HCN1: variants seen among roughly 807,000 people sequenced by gnomAD.
HCN1 encodes potassium/sodium hyperpolarization-activated cyclic nucleotide-gated channel 1.
In HCN1, 13 loss-of-function variants were observed where a neutral mutation model predicts 78.9. The ratio of observed to expected loss-of-function variants is 0.16; its 90% CI spans 0.11 to 0.26. The LOEUF (loss-of-function observed/expected upper bound fraction) is 0.26. Ranked by LOEUF, HCN1 falls within the 10% of genes least tolerant of loss-of-function variation. The pLI, the probability that HCN1 is intolerant of heterozygous loss-of-function variation, is 1.00. For missense variants in HCN1, 810 were observed against 1,154.3 expected, an observed-to-expected ratio of 0.70 and a Z score of 4.32; for synonymous variants, 552 against 455.5, an observed-to-expected ratio of 1.21 and a Z score of -2.70.
intron 1 of HCN1, among the ~76,000 whole-genome samples, chr5:45,651,780 C>G (rs1448244058): frequency 1.3e-5 from 2 of 151,862 alleles, no homozygotes; most frequent in African/African-American, 2.4e-5. Flanking sequence ...AGGTTTGCTA[C>G]TTGGTCTAAT....
Position 45,654,490 on chromosome 5 carries a change from T to C in HCN1, c.426-8882A>G, listed in dbSNP as rs145884175. Among the ~76,000 whole-genome samples, 551 of 152,296 alleles carry C rather than the reference T, an allele frequency of 3.6e-3. 8 individuals carry two copies. The highest frequency in any genetic ancestry group is 0.013 in the African/African-American group (521 of 41,570). ...CCTGCTTCTAACTCTTGACAATTTA[T>C]TCCTTTAAGGAAAGCAAAAATACTG... On this transcript the variant is annotated intron_variant, in intron 1 of 7. Coordinates refer to ENST00000303230, the MANE Select transcript of HCN1 (RefSeq NM_021072.4).
At position 45,689,732 on chromosome 5, in the gene HCN1, T is replaced by C. The variant is rs75356289; in HGVS notation, c.425+5937A>G. ...AAATTATGCAGGGTCTTGAAGCTCA[T>C]AGAAAGTTTGTCCAATGTAGTCTAA... On this transcript the variant is annotated intron_variant, in intron 1 of 7. Coordinates refer to ENST00000303230, the MANE Select transcript of HCN1 (RefSeq NM_021072.4). Among the ~76,000 whole-genome samples, 273 of 152,194 alleles carry C rather than the reference T, an allele frequency of 1.8e-3. 1 individual carries two copies. The highest frequency in any genetic ancestry group is 0.012 in the East Asian group (60 of 5,184).
intron 4 of HCN1, among the ~76,000 whole-genome samples, chr5:45,387,577 A>T (rs1480744441): frequency 6.6e-6 from 1 of 152,128 alleles, no homozygotes; most frequent in Non-Finnish European, 1.5e-5. Flanking sequence ...TATAAGATGC[A>T]TTCTAGATAA....
At position 45,483,266 on chromosome 5, in the gene HCN1, C is replaced by T. The variant is rs542449258; in HGVS notation, c.850-21259G>A. On this transcript the variant is annotated intron_variant, in intron 2 of 7. Transcript: ENST00000303230. ...TACCCTTTTTCCATAGCTTTGCCAG[C>T]ATCTTTTGTTTTCTGACTTTCTAAT... Among the ~76,000 whole-genome samples the T allele has an allele frequency of 2.0e-5, 3 of 152,206 alleles. No individual in the cohort carries two copies. The South Asian group carries it at 6.2e-4, about 32-fold the overall frequency.
intron 2 of HCN1, among the ~76,000 whole-genome samples, chr5:45,555,585 C>A (rs1231051609): frequency 6.6e-6 from 1 of 151,710 alleles, no homozygotes; most frequent in Non-Finnish European, 1.5e-5. Flanking sequence ...GAGACACTAG[C>A]CAAAACTATC....
chr5:45,395,711 GC>G (rs756823896), intron 4 of HCN1, among the ~76,000 whole-genome samples: 87 of 152,178 alleles, frequency 5.7e-4, no homozygotes, highest in Non-Finnish European at 9.7e-4. Flanking sequence ...GATCAACAAA[GC>G]CCCTACATTA....
intron 2 of HCN1, among the ~76,000 whole-genome samples, chr5:45,601,979 C>A (rs1281047164): frequency 2.6e-5 from 4 of 152,002 alleles, no homozygotes; most frequent in South Asian, 2.1e-4. Context: ...TTCCCCCAAG[C>A]CTGTTCTTGT....
intron 5 of HCN1, among the ~76,000 whole-genome samples, chr5:45,343,995 A>T (rs968063256): frequency 3.9e-5 from 6 of 152,190 alleles, no homozygotes; most frequent in African/African-American, 1.2e-4. Context: ...GTTAATAAAG[A>T]CATAACTGAG....
chr5:45,302,282 TC>T (rs891834566), intron 6 of HCN1, among the ~76,000 whole-genome samples: 4 of 127,684 alleles, frequency 3.1e-5, no homozygotes, highest in Non-Finnish European at 6.4e-5. Context: ...GGTTTAAGTT[TC>T]CCCTGTGCTT....
chr5:45,461,822 T>G (rs1205121328), intron 3 of HCN1, 24 bp downstream of exon 3: 1 of 1,602,574 alleles, frequency 6.2e-7, no homozygotes, highest in African/African-American at 1.3e-5. Flanking sequence ...AAAGTCAGAG[T>G]GTAAAATAAC....
At chr5:45,641,977 T>C (rs1745462793) in intron 2 of HCN1, 2 of 152,178 alleles carry the variant, frequency 1.3e-5, no homozygotes, top group African/African-American at 4.8e-5. Flanking sequence ...GAAATAGCAG[T>C]CTGGCTTGGA....
At chr5:45,426,413 A>G (rs2112072449) in intron 3 of HCN1, among the ~76,000 whole-genome samples, 1 of 152,264 alleles carries the variant, frequency 6.6e-6, no homozygotes, top group African/African-American at 2.4e-5. Context: ...AATAGTCCCC[A>G]CATGTCATGG....
rs114332007 is a variant in HCN1, at chr5:45,687,478, T to A, written c.425+8191A>T. Among the ~76,000 whole-genome samples, 1,038 of 152,298 alleles carry A rather than the reference T, an allele frequency of 6.8e-3. 8 individuals carry two copies. Among genetic ancestry groups the A allele is most frequent in the African/African-American group, 0.024 (994 of 41,590 alleles). On this transcript the variant is annotated intron_variant, in intron 1 of 7. Coordinates refer to ENST00000303230, the MANE Select transcript of HCN1 (RefSeq NM_021072.4). ...CTTTTTGTTCTAATTCTAACGGGCT[T>A]CCTAGACTTTATCTGCTAACACATT...
intron 2 of HCN1, among the ~76,000 whole-genome samples, chr5:45,492,423 A>ATATATATATAT (rs1561174289): frequency 2.2e-4 from 31 of 141,510 alleles, no homozygotes; most frequent in South Asian, 4.4e-4. Flanking sequence ...ATATATATAT[A>ATATATATATAT]AAATTTGAAG....
chr5:45,617,139 A>G (rs1744974026), intron 2 of HCN1, among the ~76,000 whole-genome samples: 1 of 152,096 alleles, frequency 6.6e-6, no homozygotes. Context: ...TTAAGAGAAC[A>G]CAAGCTATAA....
At chr5:45,408,389 A>G (rs1289567555) in intron 3 of HCN1, among the ~76,000 whole-genome samples, 3 of 152,020 alleles carry the variant, frequency 2.0e-5, no homozygotes, top group African/African-American at 4.8e-5. Context: ...TTTTTATTAT[A>G]CCTTTTCTAT....
Position 45,276,463 on chromosome 5 carries a change from T to C in HCN1, c.1619-9210A>G, listed in dbSNP as rs577507857. Among the ~76,000 whole-genome samples the C allele has an allele frequency of 7.2e-5, 11 of 152,220 alleles. No homozygotes were observed. In the South Asian group the frequency reaches 2.3e-3, roughly 32 times the overall value. On this transcript the variant is annotated intron_variant, in intron 6 of 7. Transcript: ENST00000303230. ...AAGTATTACCACTGATAAGCTTCTT[T>C]TGGGTAATGAGTTCATATAGCTGTC...
chr5:45,683,142 T>C (rs1359566218), intron 1 of HCN1, among the ~76,000 whole-genome samples: 1 of 151,246 alleles, frequency 6.6e-6, no homozygotes, highest in African/African-American at 2.4e-5. Flanking sequence ...TTTTATTTTT[T>C]TTTACCATTT....
chr5:45,327,872 A>G (rs774299363), intron 5 of HCN1, among the ~76,000 whole-genome samples: 2 of 151,662 alleles, frequency 1.3e-5, no homozygotes, highest in Non-Finnish European at 3.0e-5. Context: ...TAGACCTGCC[A>G]ATACCTCGAT....
Sources: gnomAD v4.1 joint callset for allele counts (sites outside exome capture counted in the v4.1 genomes callset) on GRCh38, gnomAD v4.1.1 for gene constraint, MANE v1.5 for transcripts, NCBI Gene and HGNC (gene_info 2026-07-23, HGNC 2026-07-21) for gene names.